The following CARS2 variants were observed in gnomAD, a reference collection of about 807,000 sequenced individuals.
The protein encoded by CARS2 is probable cysteine--tRNA ligase, mitochondrial.
CARS2 carries 52 observed loss-of-function variants against 68.8 expected under a neutral mutation model. That is an observed-to-expected ratio of 0.76 (90% CI 0.61 to 0.95). The LOEUF is 0.95. Among genes scored for constraint, CARS2 ranks in the 40% least tolerant of loss-of-function variants. The pLI, the probability that CARS2 is intolerant of heterozygous loss-of-function variation, is 0.00. For synonymous variants in CARS2, 314 were observed against 303.6 expected (o/e 1.03, Z -0.36); for missense variants, 780 against 754.2 (o/e 1.03, Z -0.40).
chr13:110,666,615 C>T (rs2062656615), intron 8 of CARS2: 1 of 985,316 alleles, frequency 1.0e-6, no homozygotes, highest in African/African-American at 1.7e-5. Flanking sequence ...CAGAGCACTT[C>T]TGCACTTAAT....
chr13:110,654,459 T>C (rs767755761), intron 9 of CARS2, among the ~76,000 whole-genome samples: 5 of 152,094 alleles, frequency 3.3e-5, no homozygotes, highest in African/African-American at 4.8e-5. Flanking sequence ...ATTTTTAAGA[T>C]GTAGGGCAAT....
Position 110,705,987 on chromosome 13 carries a change from C to A in CARS2, c.107G>T (p.Gly36Val), listed in dbSNP as rs1271844931. Residue 36 changes from glycine to valine, a missense_variant, in exon 1 of 15, where the codon GGG becomes GTG. Transcript: ENST00000257347. The surrounding 1 kb of genome is among the most constrained non-coding windows in gnomAD (Gnocchi z 4.0). ...CTGCAGCCAGGCCCGCCCGCGCCCCCCGCTCGCCGCCCGGCCCGCAGGCCA... is the reference window on the plus strand; with the variant it reads ...CTGCAGCCAGGCCCGCCCGCGCCCCACGCTCGCCGCCCGGCCCGCAGGCCA... ...WHWPAGRAAS[G>V]GRGRAWLQPT... 2.7e-6 allele frequency: 4 copies of A among 1,504,766 alleles called. No homozygotes were observed. Among genetic ancestry groups the A allele is most frequent in the Admixed American group, 2.1e-5 (1 of 46,790 alleles). The allele number at this position is 1,504,766 out of a possible 1,614,324, so 93.2% of individuals were successfully genotyped here.
At chr13:110,697,885 A>G in intron 3 of CARS2, 3 of 448,726 alleles carry the variant, frequency 6.7e-6, no homozygotes, top group South Asian at 4.8e-5. Context: ...GTTATGAGAA[A>G]GACAAATCAA....
intron 3 of CARS2, among the ~76,000 whole-genome samples, chr13:110,692,478 A>C (rs1183861983): frequency 3.4e-4 from 51 of 152,150 alleles, no homozygotes; most frequent in Non-Finnish European, 1.0e-4. Context: ...TCTCAAAAAA[A>C]AAAATTAATA....
intron 5 of CARS2, among the ~76,000 whole-genome samples, chr13:110,684,177 G>C (rs530801689): frequency 1.3e-3 from 197 of 152,326 alleles, no homozygotes; most frequent in Non-Finnish European, 8.5e-4. Context: ...CAGTACCACA[G>C]ATCCGCAGCC....
intron 6 of CARS2, among the ~76,000 whole-genome samples, chr13:110,679,981 C>G (rs2063110131): frequency 6.6e-6 from 1 of 152,174 alleles, no homozygotes; most frequent in Non-Finnish European, 1.5e-5. Flanking sequence ...AATATGGAAG[C>G]CAACTCCTTG....
chr13:110,667,443 A>C lies in CARS2; in HGVS notation c.816T>G (p.His272Gln). Residue 272 changes from histidine (H) to glutamine (Q), a missense_variant, in exon 8 of 15, where the codon CAT (histidine) becomes CAG (glutamine). Transcript: ENST00000257347. ...GAAAAGCTAAATCTATCCCACCTGAATGGATATCCAGTTGACTTCCAAATA... is the reference window on the plus strand; with the variant it reads ...GAAAAGCTAAATCTATCCCACCTGACTGGATATCCAGTTGACTTCCAAATA... Reference protein sequence around the residue: ...SMVFGSQLDIHSGGIDLAFPH... With the variant: ...SMVFGSQLDIQSGGIDLAFPH... 1 of 1,613,878 alleles carries C rather than the reference A, an allele frequency of 6.2e-7. No homozygotes were observed. The highest frequency in any genetic ancestry group is 1.1e-5 in the South Asian group (1 of 91,062).
chr13:110,642,542 T>C, intron 13 of CARS2, 21 bp from the exon 14 acceptor site: 1 of 1,606,830 alleles, frequency 6.2e-7, no homozygotes, highest in South Asian at 1.1e-5. Flanking sequence ...CAGGGCGCGG[T>C]TACGTCCCCC....
intron 8 of CARS2, 181 bp from the exon 9 acceptor site, chr13:110,663,699 C>T: frequency 7.2e-7 from 1 of 1,387,766 alleles, no homozygotes; most frequent in Non-Finnish European, 9.3e-7. Flanking sequence ...GAAGACAGGA[C>T]CTGCCCTTGT....
intron 8 of CARS2, chr13:110,666,879 C>T (rs771812301): frequency 5.3e-5 from 52 of 985,246 alleles, no homozygotes; most frequent in Non-Finnish European, 6.0e-5. Flanking sequence ...CTGCTGGGTT[C>T]GAGGTGTTGC....
chr13:110,665,575 C>G lies in CARS2; in HGVS notation c.919+1765G>C, dbSNP rs1317861708. ...CAGCTAAGGCTGCCCTTCTTGCCCC[C>G]CAGCTCCACACTCGCAGAAGGGCTC... On this transcript the variant is annotated intron_variant, in intron 8 of 14. Transcript: ENST00000257347. This position sits in a 1 kb window ranked among gnomAD's most constrained non-coding sequence, Gnocchi z 4.3. 2.0e-6 allele frequency: 2 copies of G among 985,380 alleles called. No homozygotes were observed. Among genetic ancestry groups the G allele is most frequent in the South Asian group, 4.7e-5 (1 of 21,296 alleles). 61.0% of individuals were successfully genotyped at this position (985,380 alleles called of 1,614,324 possible).
At chr13:110,707,655 A>T (rs72663407), upstream of CARS2, 18,319 of 151,954 alleles carry the variant, frequency 0.12, 1,796 homozygotes, top group African/African-American at 0.26. Context: ...TGAAAAAAAA[A>T]AAAAGTGCCT....
intron 3 of CARS2, 105 bp from the exon 4 acceptor site, chr13:110,688,123 C>T (rs775854414): frequency 1.1e-5 from 7 of 648,266 alleles, no homozygotes; most frequent in Middle Eastern, 4.3e-4. Context: ...AAACATACCC[C>T]GGCCACCTCC....
intron 9 of CARS2, chr13:110,651,315 A>G: frequency 1.9e-6 from 1 of 529,966 alleles, no homozygotes; most frequent in Non-Finnish European, 3.3e-6. Flanking sequence ...ATTTGTGGAA[A>G]GAGCAAGAAG....
At chr13:110,666,505 C>T in intron 8 of CARS2, 5 of 985,306 alleles carry the variant, frequency 5.1e-6, no homozygotes, top group Non-Finnish European at 6.0e-6. Context: ...ACAGGGTAAG[C>T]CCGGGGTGAA....
At chr13:110,700,748 A>C (rs2063760734) in intron 3 of CARS2, among the ~76,000 whole-genome samples, 1 of 152,274 alleles carries the variant, frequency 6.6e-6, no homozygotes, top group Non-Finnish European at 1.5e-5. Flanking sequence ...AGGCATCATT[A>C]GCACAAATAT....
In CARS2 at chr13:110,650,924, C is replaced by T. The variant is rs564485278; in HGVS notation, c.1054+110G>A. On this transcript the variant is annotated intron_variant, in intron 10 of 14. Coordinates refer to ENST00000257347, the MANE Select transcript of CARS2 (RefSeq NM_024537.4). ...AACCGTAAGGCACACAGCAGCCTCA[C>T]TCAACAAGGTTCTGCTTATTCTCTG... 5.0e-4 allele frequency: 392 copies of T among 781,000 alleles called. 1 individual carries two copies. The African/African-American group carries it at 6.1e-3, about 12-fold the overall frequency. The allele number at this position is 781,000 out of a possible 1,614,324, so 48.4% of individuals were successfully genotyped here.
chr13:110,688,159 A>G (rs2063359870), intron 3 of CARS2, 141 bp from the exon 4 acceptor site: 1 of 534,754 alleles, frequency 1.9e-6, no homozygotes, highest in Non-Finnish European at 3.4e-6. Flanking sequence ...GTTTGCCCCC[A>G]CCCACTCACC....
rs72661682 is a variant in CARS2 at position 110,668,271 on chromosome 13, C to T, written c.786-798G>A. Reference sequence around the variant, plus strand: ...AAGACTTTTACATCTTAGCCGGGCGCGGTGGCTCACGCCTGTAAACACAGC... The same window carrying T: ...AAGACTTTTACATCTTAGCCGGGCGTGGTGGCTCACGCCTGTAAACACAGC... On this transcript the variant is annotated intron_variant, in intron 7 of 14. Coordinates refer to ENST00000257347, the MANE Select transcript of CARS2 (RefSeq NM_024537.4). This position sits in a 1 kb window ranked among gnomAD's most constrained non-coding sequence, Gnocchi z 4.1. Among the ~76,000 whole-genome samples the T allele has an allele frequency of 0.086, 13,093 of 152,034 alleles. 674 individuals carry two copies. Among genetic ancestry groups the T allele is most frequent in the Middle Eastern group, 0.17 (50 of 294 alleles).
Sources: allele counts gnomAD v4.1 joint callset (sites outside exome capture counted in the v4.1 genomes callset), GRCh38; gene constraint gnomAD v4.1.1; non-coding constraint Gnocchi (gnomAD v3.1); transcripts MANE v1.5; gene names NCBI Gene and HGNC (gene_info 2026-07-23, HGNC 2026-07-21).